The following PLPP2 variants were observed in gnomAD, a reference collection of about 807,000 sequenced individuals.
PLPP2 encodes the protein phospholipid phosphatase 2, also known as PAP2-gamma.
PLPP2 carries 29 observed loss-of-function variants against 35.2 expected under a neutral mutation model. The observed-to-expected ratio is 0.82, with a 90% CI of 0.61 to 1.12. The LOEUF (loss-of-function observed/expected upper bound fraction) is 1.12, where lower values mean the gene tolerates loss of function less well. Ranked by LOEUF, PLPP2 falls within the 50% of genes most tolerant of loss-of-function variation. PLPP2 has a pLI of 0.00. For synonymous variants in PLPP2, 162 were observed against 167.0 expected (o/e 0.97, Z 0.23); for missense variants, 353 against 375.2 (o/e 0.94, Z 0.49).
chr19:282,292 G>C lies in PLPP2; in HGVS notation c.559C>G (p.Leu187Val). ...VFLALYVQAR[L>V]CWKWARLLRP... ...AGCAGCCGTGCCCACTTCCAACAGA[G>C]TCGTGCCTGCACATACAGCTGGAGT... is the stretch of plus-strand genomic sequence containing the variant. Residue 187 changes from leucine (L) to valine (V), a missense_variant, in exon 5 of 6, where the codon CTC (leucine) becomes GTC (valine). Leu to Val is a conservative substitution (Grantham distance 32, BLOSUM62 1). Transcript: ENST00000434325. 1.2e-6 allele frequency: 2 copies of C among 1,613,758 alleles called. No individual in the cohort carries two copies. Among genetic ancestry groups the C allele is most frequent in the Non-Finnish European group, 1.7e-6 (2 of 1,179,846 alleles).
Position 281,297 on chromosome 19 carries a change from G to T in PLPP2, c.*91C>A, listed in dbSNP as rs549330421. The stretch of plus-strand genomic sequence containing the variant: ...GCCCAGGGTTCCTGGAGCCCGTCCA[G>T]AGCCCTCAGTGCCTAACCAGGGCTG... On this transcript the variant is annotated 3_prime_UTR_variant, in exon 6 of 6. Transcript: ENST00000434325. The T allele has an allele frequency of 8.2e-5, 100 of 1,217,270 alleles. No homozygotes were observed. The South Asian group carries it at 2.8e-3, about 34-fold the overall frequency. The allele number at this position is 1,217,270 out of a possible 1,614,324, so 75.4% of individuals were successfully genotyped here. A position where few individuals can be genotyped will look rare whatever the true frequency, so the allele number is the denominator to read the frequency against.
At chr19:281,696 A>G (rs1007113254) in intron 5 of PLPP2, among the ~76,000 whole-genome samples, 159 bp from the exon 6 acceptor site, 7 of 150,862 alleles carry the variant, frequency 4.6e-5, no homozygotes, top group African/African-American at 1.7e-4. Context: ...GAGCGCTCTT[A>G]GTGGAGGACC....
In PLPP2 at chr19:282,326, G is replaced by C. The variant is rs745350738; in HGVS notation, c.541-16C>G. ...GCACATACAGCTGGAGTGGGGAGAG[G>C]ACGTGTTAGCCTGTGCACCTGCCAG... On this transcript the variant is annotated splice_polypyrimidine_tract_variant and intron_variant, in intron 4 of 5. Coordinates refer to ENST00000434325, the MANE Select transcript of PLPP2 (RefSeq NM_003712.4). 4.3e-6 allele frequency: 7 copies of C among 1,611,702 alleles called. No individual in the cohort carries two copies. In the African/African-American group the frequency reaches 8.0e-5, roughly 19 times the overall value.
Position 281,202 on chromosome 19 carries a change from C to T in PLPP2, c.*186G>A. On this transcript the variant is annotated 3_prime_UTR_variant, in exon 6 of 6. Coordinates refer to ENST00000434325, the MANE Select transcript of PLPP2 (RefSeq NM_003712.4). ...GTTCCCCTCCAAATGCTGAGGGCTA[C>T]CCAGGCATCTCCAGACTCCTGGTCC... 1 of 485,458 alleles carries T rather than the reference C, an allele frequency of 2.1e-6. No homozygotes were observed. The highest frequency in any genetic ancestry group is 3.3e-6 in the Non-Finnish European group (1 of 306,024). The allele number at this position is 485,458 out of a possible 1,614,324, so 30.1% of individuals were successfully genotyped here. A position where few individuals can be genotyped will look rare whatever the true frequency, so the allele number is the denominator to read the frequency against.
At chr19:285,719 T>C (rs1429785059) in intron 3 of PLPP2, 2 of 150,284 alleles carry the variant, frequency 1.3e-5, no homozygotes, top group South Asian at 2.1e-4. Flanking sequence ...TCCCAGCACT[T>C]TGGGAGGCCA....
intron 1 of PLPP2, 145 bp from the exon 2 acceptor site, chr19:288,316 A>T: frequency 2.8e-6 from 2 of 712,540 alleles, no homozygotes; most frequent in Non-Finnish European, 4.2e-6. Flanking sequence ...CCCAAATAAC[A>T]CTCCCTTTCG....
In PLPP2 at chr19:288,128, G is replaced by A. The variant is rs1455947046; in HGVS notation, c.96C>T (p.Tyr32=). The part of the protein sequence containing the change: ...FAILTLVNAP[Y]KRGFYCGDDS... ...CATCCCCGCAGTAAAATCCTCGCTTGTACGGGGCGTTCACCAGCGTCAGGA... is the reference window on the plus strand; with the variant it reads ...CATCCCCGCAGTAAAATCCTCGCTTATACGGGGCGTTCACCAGCGTCAGGA... The change falls in exon 2 of 6, where the codon TAC becomes TAT. Residue 32 remains tyrosine (Y), a synonymous_variant. Coordinates refer to ENST00000434325, the MANE Select transcript of PLPP2 (RefSeq NM_003712.4). 1 of 1,609,286 alleles carries A rather than the reference G, an allele frequency of 6.2e-7. No individual in the cohort carries two copies. Among genetic ancestry groups the A allele is most frequent in the East Asian group, 2.2e-5 (1 of 44,768 alleles).
rs772509841 is a variant in PLPP2, at chr19:291,115, C to T, written c.52+170G>A. The T allele has an allele frequency of 3.2e-5, 44 of 1,355,826 alleles. No homozygotes were observed. In the South Asian group the frequency reaches 7.0e-4, roughly 22 times the overall value. The allele number at this position is 1,355,826 out of a possible 1,614,324, so 84.0% of individuals were successfully genotyped here. A position where few individuals can be genotyped will look rare whatever the true frequency, so the allele number is the denominator to read the frequency against. The stretch of plus-strand genomic sequence containing the variant: ...ACCCCCGAGCCTGGGAGGGCGCGCG[C>T]AGTGCGGGGCGCGGAGGGAGGTCTG... On this transcript the variant is annotated intron_variant, in intron 1 of 5. Coordinates refer to ENST00000434325, the MANE Select transcript of PLPP2 (RefSeq NM_003712.4).
chr19:283,023 C>T (rs1221421662), intron 3 of PLPP2: 5 of 570,606 alleles, frequency 8.8e-6, no homozygotes, highest in Admixed American at 3.2e-5. Context: ...ATGCCTCATC[C>T]GTGAAGACTC....
chr19:281,943 A>G (rs1341946002), intron 5 of PLPP2, 191 bp downstream of exon 5: 127 of 461,558 alleles, frequency 2.8e-4, no homozygotes, highest in Non-Finnish European at 2.7e-4. Context: ...GAAGGGGTCC[A>G]GGGGAGGACT....
In PLPP2 at chr19:282,128, G is replaced by A; in HGVS notation, c.717+6C>T. On this transcript the variant is annotated splice_donor_region_variant and intron_variant, in intron 5 of 5. Coordinates refer to ENST00000434325, the MANE Select transcript of PLPP2 (RefSeq NM_003712.4). The stretch of plus-strand genomic sequence containing the variant: ...ACAGGGGATAGAGTTAGGGTTAGAA[G>A]CTCACAGTGAGGGCAGCCACCAGTG... The A allele has an allele frequency of 1.2e-6, 2 of 1,613,062 alleles. No individual in the cohort carries two copies. Among genetic ancestry groups the A allele is most frequent in the Non-Finnish European group, 1.7e-6 (2 of 1,179,686 alleles).
At chr19:286,060 G>A (rs1490120163) in intron 3 of PLPP2, 1 of 151,786 alleles carries the variant, frequency 6.6e-6, no homozygotes, top group Non-Finnish European at 1.5e-5. Context: ...TGGGGAGGCT[G>A]AGGCAGGAGA....
chr19:291,216 T>C, intron 1 of PLPP2, 69 bp downstream of exon 1: 1 of 1,589,014 alleles, frequency 6.3e-7, no homozygotes, highest in Non-Finnish European at 8.6e-7. Context: ...CCCTGCAAAC[T>C]TGCGCGCAGC....
At chr19:291,087 G>A in intron 1 of PLPP2, 198 bp downstream of exon 1, 1 of 1,333,656 alleles carries the variant, frequency 7.5e-7, no homozygotes. Flanking sequence ...CTGGGACGCG[G>A]GGACCCCCGA....
intron 3 of PLPP2, chr19:286,472 AAAC>A: frequency 6.6e-6 from 1 of 152,188 alleles, no homozygotes; most frequent in African/African-American, 2.4e-5. Context: ...CAAAACAAAC[AAAC>A]AAAAAAAGAC....
chr19:281,229 G>T lies in PLPP2; in HGVS notation c.*159C>A. On this transcript the variant is annotated 3_prime_UTR_variant, in exon 6 of 6. Transcript: ENST00000434325. ...CAGGCATCTCCAGACTCCTGGTCCA[G>T]TGCAGGGCAGGGGGCAGCGGAGCCC... 1.5e-6 allele frequency: 1 copy of T among 660,948 alleles called. No individual in the cohort carries two copies. The highest frequency in any genetic ancestry group is 2.2e-6 in the Non-Finnish European group (1 of 464,204). 40.9% of individuals were successfully genotyped at this position (660,948 alleles called of 1,614,324 possible). A position where few individuals can be genotyped will look rare whatever the true frequency, so the allele number is the denominator to read the frequency against.
chr19:283,968 T>G (rs575685851), intron 3 of PLPP2: 17 of 152,268 alleles, frequency 1.1e-4, no homozygotes, highest in Admixed American at 2.6e-4. Context: ...AAATAACTAC[T>G]GCAACAAACA....
chr19:289,196 G>A (rs931509254), intron 1 of PLPP2, among the ~76,000 whole-genome samples: 1 of 152,216 alleles, frequency 6.6e-6, no homozygotes, highest in Admixed American at 6.5e-5. Flanking sequence ...GGGTCGGCTA[G>A]CCCAGAGACA....
At chr19:282,716 T>TC (rs774196941) in intron 4 of PLPP2, 36 bp downstream of exon 4, 1 of 1,588,146 alleles carries the variant, frequency 6.3e-7, no homozygotes. Flanking sequence ...TAGCCATGGT[T>TC]CCCCCGAAAA....
Sources: gnomAD v4.1 joint callset for allele counts (sites outside exome capture counted in the v4.1 genomes callset) on GRCh38, gnomAD v4.1.1 for gene constraint, MANE v1.5 for transcripts, NCBI Gene and HGNC (gene_info 2026-07-23, HGNC 2026-07-21) for gene names.